Variants in NET1 observed in about 807,000 individuals in gnomAD.
NET1 encodes neuroepithelial cell-transforming gene 1 protein.
In NET1, 42 loss-of-function variants were observed where a neutral mutation model predicts 61.1. The ratio of observed to expected loss-of-function variants is 0.69; its 90% confidence interval spans 0.54 to 0.89. The LOEUF is 0.89. NET1 is among the 40% of genes least tolerant of loss of function. NET1 has a pLI of 0.00. For synonymous variants in NET1, 254 were observed against 281.8 expected (o/e 0.90, Z 0.99); for missense variants, 654 against 747.3 (o/e 0.88, Z 1.46).
rs1832491021 is a variant in NET1, at chr10:5,439,531, C to T, written c.255+10302C>T. 2.0e-5 allele frequency among the ~76,000 whole-genome samples: 3 copies of T among 152,190 alleles called. No individual in the cohort carries two copies. The highest frequency in any genetic ancestry group is 6.5e-5 in the Admixed American group (1 of 15,286). ...TTTGTATAACAGATGGCTGCTGTAC[C>T]TCCCAACCTTCTGACTCAGTTGATG... On this transcript the variant is annotated intron_variant, in intron 3 of 11. Coordinates refer to ENST00000355029, the MANE Select transcript of NET1 (RefSeq NM_001047160.3). The surrounding 1 kb of genome is among the most constrained non-coding windows in gnomAD (Gnocchi z 4.8).
Position 5,457,305 on chromosome 10 carries a change from A to G in NET1, c.*311A>G, listed in dbSNP as rs747962641. 3.7e-5 allele frequency: 7 copies of G among 189,256 alleles called. No homozygotes were observed. The highest frequency in any genetic ancestry group is 5.4e-5 in the Non-Finnish European group (5 of 92,794). The allele number at this position is 189,256 out of a possible 1,614,324, so 11.7% of individuals were successfully genotyped here. A position where few individuals can be genotyped will look rare whatever the true frequency, so the allele number is the denominator to read the frequency against. On this transcript the variant is annotated 3_prime_UTR_variant, in exon 12 of 12. Transcript: ENST00000355029. This position sits in a 1 kb window ranked among gnomAD's most constrained non-coding sequence, Gnocchi z 5.4. The stretch of plus-strand genomic sequence containing the variant: ...ATTCTGGATTCATCATGGCTTTCTA[A>G]TACCAATTGTAATATTTACAATATT...
At position 5,437,092 on chromosome 10, in the gene NET1, A is replaced by G. The variant is rs1832448673; in HGVS notation, c.255+7863A>G. ...TTCCTAGACTGCAATGTATTTAAAT[A>G]CTTATGTCTCCTTTTTAATACATGA... On this transcript the variant is annotated intron_variant, in intron 3 of 11. Transcript: ENST00000355029. This position sits in a 1 kb window ranked among gnomAD's most constrained non-coding sequence, Gnocchi z 4.3. Among the ~76,000 whole-genome samples the G allele has an allele frequency of 6.6e-6, 1 of 152,254 alleles. No homozygotes were observed. The highest frequency in any genetic ancestry group is 1.5e-5 in the Non-Finnish European group (1 of 68,048).
rs1236025819 is a variant in NET1 at position 5,446,701 on chromosome 10, A to G, written c.256-5129A>G. 6 of 1,467,434 alleles carry G rather than the reference A, an allele frequency of 4.1e-6. No individual in the cohort carries two copies. In the African/African-American group the frequency reaches 8.5e-5, roughly 21 times the overall value. 90.9% of individuals were successfully genotyped at this position (1,467,434 alleles called of 1,614,324 possible). On this transcript the variant is annotated intron_variant, in intron 3 of 11. Coordinates refer to ENST00000355029, the MANE Select transcript of NET1 (RefSeq NM_001047160.3). This position sits in a 1 kb window ranked among gnomAD's most constrained non-coding sequence, Gnocchi z 5.0. ...AAGAAAAGCCCGTGTGCCTCTGCAT[A>G]GCGTCGCTACAGCGCTGACTCGGTG... is the stretch of plus-strand genomic sequence containing the variant.
At chr10:5,413,535 G>A (rs981244012) in intron 1 of NET1, among the ~76,000 whole-genome samples, 2 of 152,126 alleles carry the variant, frequency 1.3e-5, no homozygotes, top group Admixed American at 1.3e-4. Context: ...AGGAGGAAGG[G>A]AACCAAGTGA....
At chr10:5,419,843 A>AC (rs1318682756) in intron 1 of NET1, among the ~76,000 whole-genome samples, 1 of 152,014 alleles carries the variant, frequency 6.6e-6, no homozygotes, top group East Asian at 1.9e-4. Context: ...ATGTGTTATC[A>AC]CACTGCTTCT....
Position 5,456,260 on chromosome 10 carries a change from T to C in NET1, c.1371T>C (p.Ser457=), listed in dbSNP as rs77152706. The change falls in exon 11 of 12, where the codon AGT becomes AGC. Residue 457 remains serine, a synonymous_variant. Coordinates refer to ENST00000355029, the MANE Select transcript of NET1 (RefSeq NM_001047160.3). This position sits in a 1 kb window ranked among gnomAD's most constrained non-coding sequence, Gnocchi z 7.0. ...GAGGCTCCTTTCGAGGAGCTTTCAG[T>C]AACTCAGAGAAAGGTAAAATGCAGG... The part of the protein sequence containing the change: ...RMGGSFRGAF[S]NSEKAKNIFR... The C allele has an allele frequency of 5.2e-3, 8,307 of 1,610,696 alleles. 260 individuals carry two copies. In the East Asian group the frequency reaches 0.083, roughly 16 times the overall value.
At position 5,452,709 on chromosome 10, in the gene NET1, T is replaced by C. The variant is rs1173098333; in HGVS notation, c.532-149T>C. On this transcript the variant is annotated intron_variant, in intron 5 of 11. Transcript: ENST00000355029. The surrounding 1 kb of genome is among the most constrained non-coding windows in gnomAD (Gnocchi z 4.0). Reference sequence around the variant, plus strand: ...TAAACTTACCAAACATACGGCAACCTTGTATTTGAGATTCCATTCTGAATT... The same window carrying C: ...TAAACTTACCAAACATACGGCAACCCTGTATTTGAGATTCCATTCTGAATT... The C allele has an allele frequency of 1.1e-6, 1 of 926,462 alleles. No homozygotes were observed. Among genetic ancestry groups the C allele is most frequent in the Non-Finnish European group, 1.6e-6 (1 of 615,896 alleles). The allele number at this position is 926,462 out of a possible 1,614,324, so 57.4% of individuals were successfully genotyped here. A position where few individuals can be genotyped will look rare whatever the true frequency, so the allele number is the denominator to read the frequency against.
chr10:5,434,601 G>A (rs1046395557), intron 3 of NET1, among the ~76,000 whole-genome samples: 3 of 151,648 alleles, frequency 2.0e-5, no homozygotes, highest in African/African-American at 4.8e-5. Flanking sequence ...CTGATACTTT[G>A]TGGGCCTCAT....
rs747076095 is a variant in NET1, at chr10:5,456,080, T to C, written c.1198-7T>C. The C allele has an allele frequency of 1.0e-4, 168 of 1,602,008 alleles. 5 individuals are homozygous for C. In the South Asian group the frequency reaches 1.8e-3, roughly 17 times the overall value. On this transcript the variant is annotated splice_polypyrimidine_tract_variant and splice_region_variant and intron_variant, in intron 10 of 11. Coordinates refer to ENST00000355029, the MANE Select transcript of NET1 (RefSeq NM_001047160.3). The surrounding 1 kb of genome is among the most constrained non-coding windows in gnomAD (Gnocchi z 7.0). ...TCCTATTTAGCGTTTGTTTCCCATT[T>C]CTCCAGAAACTTTACATTTTCCTGT...
rs1832697471 is a variant in NET1 at position 5,451,202 on chromosome 10, G to C, written c.256-628G>C. Reference sequence around the variant, plus strand: ...GTGCCCTAGCAAGTGGTAGAGCCGGGATTTGTGCCCAGTCAGATTTCAGAG... The same window carrying C: ...GTGCCCTAGCAAGTGGTAGAGCCGGCATTTGTGCCCAGTCAGATTTCAGAG... On this transcript the variant is annotated intron_variant, in intron 3 of 11. Transcript: ENST00000355029. The surrounding 1 kb of genome is among the most constrained non-coding windows in gnomAD (Gnocchi z 6.1). Among the ~76,000 whole-genome samples, 1 of 152,160 alleles carries C rather than the reference G, an allele frequency of 6.6e-6. No homozygotes were observed. Among genetic ancestry groups the C allele is most frequent in the South Asian group, 2.1e-4 (1 of 4,832 alleles).
Position 5,415,328 on chromosome 10 carries a change from T to C in NET1, c.128+2508T>C, listed in dbSNP as rs1832060949. On this transcript the variant is annotated intron_variant, in intron 1 of 11. Coordinates refer to ENST00000355029, the MANE Select transcript of NET1 (RefSeq NM_001047160.3). The surrounding 1 kb of genome is among the most constrained non-coding windows in gnomAD (Gnocchi z 4.7). ...TTAGCTATTGTTCCTCTCCTACCCC[T>C]TCTGCCCTAAAACCTAATCTGTCGG... Among the ~76,000 whole-genome samples, 1 of 152,232 alleles carries C rather than the reference T, an allele frequency of 6.6e-6. No homozygotes were observed. Among genetic ancestry groups the C allele is most frequent in the African/African-American group, 2.4e-5 (1 of 41,466 alleles).
intron 3 of NET1, among the ~76,000 whole-genome samples, chr10:5,434,658 A>C (rs1396571811): frequency 6.9e-6 from 1 of 144,830 alleles, no homozygotes; most frequent in Non-Finnish European, 1.5e-5. Flanking sequence ...TTTAAGGGGA[A>C]TCTTTCTCTT....
Position 5,422,345 on chromosome 10 carries a change from A to G in NET1, c.129-4310A>G, listed in dbSNP as rs1564458421. Reference sequence around the variant, plus strand: ...GAGCAAAACTCCGTCTCAAAAAAAAAAAAAGTCTTTGTGTAGACATACGTT... The same window carrying G: ...GAGCAAAACTCCGTCTCAAAAAAAAGAAAAGTCTTTGTGTAGACATACGTT... On this transcript the variant is annotated intron_variant, in intron 1 of 11. Coordinates refer to ENST00000355029, the MANE Select transcript of NET1 (RefSeq NM_001047160.3). This position sits in a 1 kb window ranked among gnomAD's most constrained non-coding sequence, Gnocchi z 4.1. 1.3e-5 allele frequency among the ~76,000 whole-genome samples: 2 copies of G among 152,250 alleles called. No individual in the cohort carries two copies. Among genetic ancestry groups the G allele is most frequent in the Middle Eastern group, 3.4e-3 (1 of 294 alleles).
rs1378059574 is a variant in NET1, at chr10:5,452,298, G to A, written c.364-60G>A. 4.5e-6 allele frequency: 6 copies of A among 1,344,418 alleles called. No homozygotes were observed. The highest frequency in any genetic ancestry group is 1.9e-4 in the Middle Eastern group (1 of 5,188). The allele number at this position is 1,344,418 out of a possible 1,614,324, so 83.3% of individuals were successfully genotyped here. On this transcript the variant is annotated intron_variant, in intron 4 of 11. Transcript: ENST00000355029. The surrounding 1 kb of genome is among the most constrained non-coding windows in gnomAD (Gnocchi z 4.0). ...CTTCACTTTAAAAAAAAAGAAAATG[G>A]GAATAATTCTATTTCTTCCAAATCT...
rs78979407 is a variant in NET1 at position 5,456,307 on chromosome 10, A to G, written c.1384+34A>G. The G allele has an allele frequency of 8.2e-3, 12,616 of 1,532,110 alleles. 387 individuals are homozygous for G. The East Asian group carries it at 0.085, about 10-fold the overall frequency. 94.9% of individuals were successfully genotyped at this position (1,532,110 alleles called of 1,614,324 possible). A position where few individuals can be genotyped will look rare whatever the true frequency, so the allele number is the denominator to read the frequency against. On this transcript the variant is annotated intron_variant, in intron 11 of 11. Transcript: ENST00000355029. This position sits in a 1 kb window ranked among gnomAD's most constrained non-coding sequence, Gnocchi z 7.0. Reference sequence around the variant, plus strand: ...CAGGCCTTCAATAATTTAAAGAAATAGAAGCTCAGAACTGAAGTGAATTTA... The same window carrying G: ...CAGGCCTTCAATAATTTAAAGAAATGGAAGCTCAGAACTGAAGTGAATTTA...
chr10:5,430,398 G>A (rs887282109), intron 3 of NET1, among the ~76,000 whole-genome samples: 5 of 144,776 alleles, frequency 3.5e-5, no homozygotes, highest in South Asian at 2.2e-4. Flanking sequence ...TTTTTGAGGC[G>A]GAGTCTCGCT....
In NET1 at chr10:5,427,470, C is replaced by T. The variant is rs754515187; in HGVS notation, c.195+749C>T. ...AGTCCATTCCCAGGCTCTGCTCTAA[C>T]CATGTCAACAGTACCATATGTATCC... On this transcript the variant is annotated intron_variant, in intron 2 of 11. Transcript: ENST00000355029. The surrounding 1 kb of genome is among the most constrained non-coding windows in gnomAD (Gnocchi z 4.1). 6.6e-6 allele frequency among the ~76,000 whole-genome samples: 1 copy of T among 152,152 alleles called. No individual in the cohort carries two copies. The highest frequency in any genetic ancestry group is 1.5e-5 in the Non-Finnish European group (1 of 68,010).
rs1189640747 is a variant in NET1, at chr10:5,417,334, C to T, written c.128+4514C>T. ...GCCAGGGTGGTCTTGGGAAATGCAA[C>T]ATTTGGGTAGGAAAACAGAAATGCC... On this transcript the variant is annotated intron_variant, in intron 1 of 11. Coordinates refer to ENST00000355029, the MANE Select transcript of NET1 (RefSeq NM_001047160.3). This position sits in a 1 kb window ranked among gnomAD's most constrained non-coding sequence, Gnocchi z 5.5. 6.6e-6 allele frequency among the ~76,000 whole-genome samples: 1 copy of T among 152,072 alleles called. No homozygotes were observed. Among genetic ancestry groups the T allele is most frequent in the Non-Finnish European group, 1.5e-5 (1 of 68,016 alleles).
chr10:5,427,597 T>G lies in NET1; in HGVS notation c.195+876T>G, dbSNP rs1293627648. On this transcript the variant is annotated intron_variant, in intron 2 of 11. Transcript: ENST00000355029. This position sits in a 1 kb window ranked among gnomAD's most constrained non-coding sequence, Gnocchi z 4.1. ...TGGCCTTTCAAACCTGGGATCATAT[T>G]ATTCATAATTTTCTGTATCTTCTGG... 1.3e-5 allele frequency among the ~76,000 whole-genome samples: 2 copies of G among 152,212 alleles called. No homozygotes were observed. Among genetic ancestry groups the G allele is most frequent in the Non-Finnish European group, 2.9e-5 (2 of 68,030 alleles).
Sources: gnomAD v4.1 joint callset for allele counts (sites outside exome capture counted in the v4.1 genomes callset) on GRCh38, gnomAD v4.1.1 for gene constraint, Gnocchi (gnomAD v3.1) non-coding constraint, MANE v1.5 for transcripts, NCBI Gene and HGNC (gene_info 2026-07-23, HGNC 2026-07-21) for gene names.